The following ZSCAN25 variants were observed in gnomAD, a reference collection of about 807,000 sequenced individuals.
ZSCAN25 encodes the protein zinc finger and SCAN domain containing 25.
Under a neutral mutation model 38.7 loss-of-function variants are expected in ZSCAN25, and 27 were observed. That is an observed-to-expected ratio of 0.70 (90% CI 0.51 to 0.96). The LOEUF is 0.96. ZSCAN25 is among the 40% of genes least tolerant of loss of function. ZSCAN25 has a pLI of 0.00. For missense variants in ZSCAN25, 637 were observed against 705.9 expected, an observed-to-expected ratio of 0.90 and a Z score of 1.11; for synonymous variants, 273 against 277.7, an observed-to-expected ratio of 0.98 and a Z score of 0.17.
At chr7:99,699,871 T>C in the ZSCAN25 span, 1 of 812,152 alleles carries the variant, frequency 1.2e-6, no homozygotes, top group Non-Finnish European at 2.2e-6. Context: ...CTTGAACATC[T>C]CTTTTGATCT....
At chr7:99,686,367 A>G in the ZSCAN25 span, among the ~76,000 whole-genome samples, 1 of 152,294 alleles carries the variant, frequency 6.6e-6, no homozygotes, top group Admixed American at 6.5e-5. Context: ...TATCCTGCAC[A>G]TGGCTCGGAG....
the ZSCAN25 span, among the ~76,000 whole-genome samples, chr7:99,693,316 A>C: frequency 6.6e-6 from 1 of 152,116 alleles, no homozygotes; most frequent in Admixed American, 6.5e-5. Context: ...GTCGGCCTCT[A>C]CTGGAAAGTG....
At chr7:99,635,471 C>T (rs1808235952), downstream of ZSCAN25, among the ~76,000 whole-genome samples, 1 of 152,120 alleles carries the variant, frequency 6.6e-6, no homozygotes, top group African/African-American at 2.4e-5. Context: ...AATTTAACTA[C>T]ATCAATTATA....
the ZSCAN25 span, chr7:99,731,058 C>G: frequency 1.2e-6 from 2 of 1,613,780 alleles, no homozygotes; most frequent in Non-Finnish European, 1.7e-6. Context: ...AAAACACTCA[C>G]CTTACGGAAG....
At chr7:99,729,246 A>G in the ZSCAN25 span, among the ~76,000 whole-genome samples, 5 of 152,126 alleles carry the variant, frequency 3.3e-5, no homozygotes, top group Non-Finnish European at 7.3e-5. Context: ...ACTATCACCA[A>G]TTATTCTATA....
At chr7:99,646,780 A>G in the ZSCAN25 span, among the ~76,000 whole-genome samples, 1 of 149,000 alleles carries the variant, frequency 6.7e-6, no homozygotes, top group African/African-American at 2.5e-5. Flanking sequence ...TCAGTGAAGT[A>G]GGGAATATAT....
chr7:99,623,676 T>G (rs75816810), intron 6 of ZSCAN25, among the ~76,000 whole-genome samples: 4,068 of 152,340 alleles, frequency 0.027, 86 homozygotes, highest in Non-Finnish European at 0.043. Context: ...GGATCCTCCC[T>G]TGTACCATAA....
At chr7:99,663,360 G>A in the ZSCAN25 span, 10 of 991,532 alleles carry the variant, frequency 1.0e-5, no homozygotes, top group Non-Finnish European at 1.1e-5. Flanking sequence ...ATAATCTTCA[G>A]TGACAGCTGG....
chr7:99,675,645 C>T, the ZSCAN25 span, among the ~76,000 whole-genome samples: 4 of 244 alleles, frequency 0.016, 1 homozygote, highest in African/African-American at 0.028. Context: ...TCCTCTCCTC[C>T]CCCCTCCCCT....
At chr7:99,707,856 T>C in the ZSCAN25 span, 1 of 1,614,052 alleles carries the variant, frequency 6.2e-7, no homozygotes, top group Admixed American at 1.7e-5. Context: ...TGAAGGACTC[T>C]GACTAGAGCA....
chr7:99,666,862 A>G, the ZSCAN25 span: 18 of 1,589,420 alleles, frequency 1.1e-5, no homozygotes, highest in Admixed American at 3.5e-5. Context: ...TCAGTGGACT[A>G]CCCCTTGGAA....
At chr7:99,691,089 T>C in the ZSCAN25 span, among the ~76,000 whole-genome samples, 1 of 152,168 alleles carries the variant, frequency 6.6e-6, no homozygotes, top group East Asian at 1.9e-4. Flanking sequence ...GTGGCACATA[T>C]ACACCATGGA....
chr7:99,650,453 T>G, the ZSCAN25 span, among the ~76,000 whole-genome samples: 1 of 152,184 alleles, frequency 6.6e-6, no homozygotes, highest in Admixed American at 6.5e-5. Context: ...GAGCGTTTCT[T>G]GAGATGAGAT....
the ZSCAN25 span, chr7:99,663,884 A>G: frequency 6.8e-6 from 10 of 1,463,778 alleles, no homozygotes; most frequent in Non-Finnish European, 9.0e-6. Flanking sequence ...ATTTTTAAAA[A>G]TACAGATACA....
the ZSCAN25 span, among the ~76,000 whole-genome samples, chr7:99,686,809 A>G: frequency 1.7e-4 from 26 of 152,250 alleles, no homozygotes; most frequent in African/African-American, 6.3e-4. Flanking sequence ...CTCTGAGACA[A>G]ACCTTCCAGA....
At chr7:99,691,117 A>G in the ZSCAN25 span, among the ~76,000 whole-genome samples, 5 of 152,246 alleles carry the variant, frequency 3.3e-5, no homozygotes, top group Non-Finnish European at 7.3e-5. Flanking sequence ...GCAGCCATAA[A>G]AAATGAAGAG....
At chr7:99,686,756 C>G in the ZSCAN25 span, among the ~76,000 whole-genome samples, 2 of 151,754 alleles carry the variant, frequency 1.3e-5, no homozygotes, top group Admixed American at 6.6e-5. Context: ...AGGCACCCCC[C>G]CCCCAGTAGG....
At chr7:99,657,198 C>G in the ZSCAN25 span, among the ~76,000 whole-genome samples, 1 of 152,130 alleles carries the variant, frequency 6.6e-6, no homozygotes, top group Non-Finnish European at 1.5e-5. Context: ...TAGATCTTTC[C>G]TGCTTTCTCT....
At chr7:99,657,165 T>A in the ZSCAN25 span, among the ~76,000 whole-genome samples, 1 of 152,226 alleles carries the variant, frequency 6.6e-6, no homozygotes, top group Non-Finnish European at 1.5e-5. Flanking sequence ...GTTCTTTTCA[T>A]TGTGATGTTA....
Sources: gnomAD v4.1 joint callset for allele counts (sites outside exome capture counted in the v4.1 genomes callset) on GRCh38, gnomAD v4.1.1 for gene constraint, MANE v1.5 for transcripts, NCBI Gene and HGNC (gene_info 2026-07-23, HGNC 2026-07-21) for gene names.